BICD2: variants seen among roughly 807,000 people sequenced by gnomAD.
The protein encoded by BICD2 is BICD cargo adaptor 2.
In BICD2, 25 loss-of-function variants were observed where a neutral mutation model predicts 72.9. The observed-to-expected ratio is 0.34, with a 90% CI of 0.25 to 0.48. The LOEUF (loss-of-function observed/expected upper bound fraction) is 0.48, where lower values mean the gene tolerates loss of function less well. Ranked by LOEUF, BICD2 falls within the 20% of genes least tolerant of loss-of-function variation. The probability of loss-of-function intolerance (pLI) is 0.99; values close to 1 mark genes in which losing one functional copy is unlikely to be tolerated. For missense variants in BICD2, 894 were observed against 1,175.2 expected (o/e 0.76, Z 3.50); for synonymous variants, 501 against 516.1 (o/e 0.97, Z 0.40).
At chr9:92,730,885 G>A (rs1429469252) in intron 1 of BICD2, among the ~76,000 whole-genome samples, 3 of 152,238 alleles carry the variant, frequency 2.0e-5, no homozygotes, top group African/African-American at 7.2e-5. Flanking sequence ...CCCACTACGT[G>A]GAAGATGTCC....
chr9:92,763,397 C>T (rs1450894338), intron 1 of BICD2, among the ~76,000 whole-genome samples: 1 of 152,166 alleles, frequency 6.6e-6, no homozygotes, highest in Non-Finnish European at 1.5e-5. Flanking sequence ...CCAAGCTATA[C>T]TCCTGACCGC....
intron 2 of BICD2, among the ~76,000 whole-genome samples, chr9:92,726,950 C>T (rs1450954182): frequency 6.6e-6 from 1 of 152,180 alleles, no homozygotes; most frequent in African/African-American, 2.4e-5. Context: ...GCAGAATGTG[C>T]TGGGCTGGGG....
At chr9:92,740,745 G>A (rs967378837) in intron 1 of BICD2, among the ~76,000 whole-genome samples, 1 of 152,080 alleles carries the variant, frequency 6.6e-6, no homozygotes. Flanking sequence ...ATTCAGGTTG[G>A]CAAGTCTGTG....
chr9:92,713,318 G>T lies in BICD2; in HGVS notation c.*1836C>A. On this transcript the variant is annotated 3_prime_UTR_variant, in exon 7 of 7. Transcript: ENST00000356884. ...AACCTGGGGAATGCTATTTTGAAAA[G>T]AATTGCAGTGGCATATCCAAAAAGT... is the stretch of plus-strand genomic sequence containing the variant. The T allele has an allele frequency of 1.1e-6, 1 of 905,136 alleles. No individual in the cohort carries two copies. The highest frequency in any genetic ancestry group is 2.5e-5 in the Admixed American group (1 of 40,790). 56.1% of individuals were successfully genotyped at this position (905,136 alleles called of 1,614,324 possible). A position where few individuals can be genotyped will look rare whatever the true frequency, so the allele number is the denominator to read the frequency against.
chr9:92,725,173 C>T (rs918138731), intron 2 of BICD2, among the ~76,000 whole-genome samples: 7 of 152,238 alleles, frequency 4.6e-5, no homozygotes, highest in South Asian at 2.1e-4. Context: ...GAGGCACACA[C>T]GAGACTGCTG....
At position 92,714,313 on chromosome 9, in the gene BICD2, G is replaced by A; in HGVS notation, c.*841C>T. On this transcript the variant is annotated 3_prime_UTR_variant, in exon 7 of 7. Transcript: ENST00000356884. ...CCTATGGAAGGCCGGATAATTGGCT[G>A]CTGGGGTCACCCCAAGTACAAAAGG... is the stretch of plus-strand genomic sequence containing the variant. The A allele has an allele frequency of 4.1e-6, 4 of 985,494 alleles. No homozygotes were observed. The highest frequency in any genetic ancestry group is 3.6e-6 in the Non-Finnish European group (3 of 829,956). The allele number at this position is 985,494 out of a possible 1,614,324, so 61.0% of individuals were successfully genotyped here.
intron 1 of BICD2, among the ~76,000 whole-genome samples, chr9:92,729,799 C>G (rs943326025): frequency 6.6e-6 from 1 of 152,278 alleles, no homozygotes; most frequent in Non-Finnish European, 1.5e-5. Flanking sequence ...TGCCCAGTTC[C>G]TGGCTCAGAA....
chr9:92,725,374 G>C (rs116860368), intron 2 of BICD2, among the ~76,000 whole-genome samples: 9,475 of 152,328 alleles, frequency 0.062, 376 homozygotes, highest in Non-Finnish European at 0.091. Flanking sequence ...GTAGTAGGAC[G>C]CAAACACTGT....
chr9:92,745,433 G>C (rs1054940833), intron 1 of BICD2, among the ~76,000 whole-genome samples: 27 of 152,042 alleles, frequency 1.8e-4, no homozygotes, highest in African/African-American at 6.3e-4. Flanking sequence ...CTAACTAAGG[G>C]TGGGGACAGG....
At chr9:92,750,694 A>G (rs1279483155) in intron 1 of BICD2, among the ~76,000 whole-genome samples, 2 of 152,058 alleles carry the variant, frequency 1.3e-5, no homozygotes, top group Non-Finnish European at 2.9e-5. Context: ...ACTATTCTGT[A>G]TGATCCTGTA....
intron 3 of BICD2, among the ~76,000 whole-genome samples, chr9:92,721,400 A>G (rs1853462140): frequency 6.6e-6 from 1 of 152,230 alleles, no homozygotes; most frequent in Admixed American, 6.5e-5. Context: ...AAGCAACATC[A>G]AAGTCTTGTC....
chr9:92,717,653 G>A (rs1587667427), intron 6 of BICD2, 144 bp downstream of exon 6: 1 of 1,105,652 alleles, frequency 9.0e-7, no homozygotes, highest in East Asian at 2.7e-5. Context: ...GTACCATGCT[G>A]GCCCTGATGG....
At chr9:92,715,536 GC>G in intron 6 of BICD2, 73 bp from the exon 7 acceptor site, 1 of 1,445,552 alleles carries the variant, frequency 6.9e-7, no homozygotes, top group Non-Finnish European at 9.4e-7. Context: ...GCAGGGCTAA[GC>G]TGCACGGCCC....
intron 6 of BICD2, among the ~76,000 whole-genome samples, chr9:92,715,843 C>A (rs1234057005): frequency 6.6e-6 from 1 of 152,182 alleles, no homozygotes; most frequent in Non-Finnish European, 1.5e-5. Context: ...TTAAAGGCCT[C>A]GAGGTGGCCT....
intron 1 of BICD2, among the ~76,000 whole-genome samples, chr9:92,763,486 G>A (rs1174995147): frequency 6.6e-6 from 1 of 152,162 alleles, no homozygotes; most frequent in Non-Finnish European, 1.5e-5. Flanking sequence ...TTTTGCAGAG[G>A]GGGAAACTAA....
Position 92,720,669 on chromosome 9 carries a change from G to A in BICD2, c.693C>T (p.Arg231=). ...GCTGCCGCTCTGAGATCTCCTTGAG[G>A]CGGATGGCATCCTCCAGCTGGCTGT... ...YLNSQLEDAI[R]LKEISERQLE... Residue 231 remains arginine, a synonymous_variant, in exon 4 of 7, where the codon CGC becomes CGT. Transcript: ENST00000356884. The surrounding 1 kb of genome is among the most constrained non-coding windows in gnomAD (Gnocchi z 5.4). The A allele has an allele frequency of 6.2e-7, 1 of 1,614,196 alleles. No individual in the cohort carries two copies. The highest frequency in any genetic ancestry group is 8.5e-7 in the Non-Finnish European group (1 of 1,180,040).
In BICD2 at chr9:92,764,412, T is replaced by A. The variant is rs1465451887; in HGVS notation, c.240+93A>T. 1 of 1,359,346 alleles carries A rather than the reference T, an allele frequency of 7.4e-7. No individual in the cohort carries two copies. The highest frequency in any genetic ancestry group is 9.4e-7 in the Non-Finnish European group (1 of 1,059,358). 84.2% of individuals were successfully genotyped at this position (1,359,346 alleles called of 1,614,324 possible). A position where few individuals can be genotyped will look rare whatever the true frequency, so the allele number is the denominator to read the frequency against. On this transcript the variant is annotated intron_variant, in intron 1 of 6. Transcript: ENST00000356884. This position sits in a 1 kb window ranked among gnomAD's most constrained non-coding sequence, Gnocchi z 5.5. ...CGGCCCACCCCTGCCGGCCCCCGCTTGGCAAGCTGACCTTGGCCGCCCTGG... is the reference window on the plus strand; with the variant it reads ...CGGCCCACCCCTGCCGGCCCCCGCTAGGCAAGCTGACCTTGGCCGCCCTGG...
At chr9:92,743,837 A>G (rs963759743) in intron 1 of BICD2, among the ~76,000 whole-genome samples, 23 of 152,224 alleles carry the variant, frequency 1.5e-4, no homozygotes, top group African/African-American at 5.3e-4. Context: ...ACATTGGAAG[A>G]AGGTCTTGAA....
At chr9:92,715,886 T>C (rs1359707917) in intron 6 of BICD2, among the ~76,000 whole-genome samples, 1 of 152,178 alleles carries the variant, frequency 6.6e-6, no homozygotes, top group Non-Finnish European at 1.5e-5. Flanking sequence ...CCATGGCTTC[T>C]AGGGTGTGGA....
Sources: gnomAD v4.1 joint callset for allele counts (sites outside exome capture counted in the v4.1 genomes callset) on GRCh38, gnomAD v4.1.1 for gene constraint, Gnocchi (gnomAD v3.1) non-coding constraint, MANE v1.5 for transcripts, NCBI Gene and HGNC (gene_info 2026-07-23, HGNC 2026-07-21) for gene names.